The following EPHB1 variants were observed in gnomAD, a reference collection of about 807,000 sequenced individuals.
The protein encoded by EPHB1 is ephrin type-B receptor 1.
A neutral mutation model predicts 94.4 loss-of-function variants in EPHB1; 30 were observed. That is an observed-to-expected ratio of 0.32 (90% CI 0.24 to 0.43). The LOEUF is 0.43. Among genes scored for constraint, EPHB1 ranks in the 20% least tolerant of loss-of-function variants. The pLI, the probability that EPHB1 is intolerant of heterozygous loss-of-function variation, is 1.00. For synonymous variants in EPHB1, 522 were observed against 489.1 expected, an observed-to-expected ratio of 1.07 and a Z score of -0.89; for missense variants, 1,055 against 1,308.3, an observed-to-expected ratio of 0.81 and a Z score of 2.99.
At chr3:135,059,601 T>C (rs1284014017) in intron 3 of EPHB1, among the ~76,000 whole-genome samples, 2 of 152,078 alleles carry the variant, frequency 1.3e-5, no homozygotes, top group Non-Finnish European at 2.9e-5. Flanking sequence ...ACTGTTGGAG[T>C]TCGTTGACTG....
chr3:135,021,663 T>G (rs985803554), intron 3 of EPHB1, among the ~76,000 whole-genome samples: 1 of 152,234 alleles, frequency 6.6e-6, no homozygotes, highest in African/African-American at 2.4e-5. Context: ...TCTGTTTCAT[T>G]TCTTATTGCC....
chr3:135,219,723 A>G (rs913160547), intron 12 of EPHB1, among the ~76,000 whole-genome samples: 4 of 152,250 alleles, frequency 2.6e-5, no homozygotes, highest in African/African-American at 9.6e-5. Flanking sequence ...ATGTTAAATA[A>G]CAGGGACTCC....
At chr3:135,055,676 C>T (rs908788788) in intron 3 of EPHB1, among the ~76,000 whole-genome samples, 8 of 152,176 alleles carry the variant, frequency 5.3e-5, no homozygotes, top group African/African-American at 1.4e-4. Context: ...CTGTCCTGAG[C>T]GAACCTGTCT....
chr3:134,816,899 C>A (rs886999458), intron 1 of EPHB1, among the ~76,000 whole-genome samples: 1 of 152,036 alleles, frequency 6.6e-6, no homozygotes, highest in African/African-American at 2.4e-5. Context: ...CACTCACCCT[C>A]AGTGTGAGCA....
chr3:135,137,594 C>T (rs187312593), intron 5 of EPHB1, among the ~76,000 whole-genome samples: 177 of 152,268 alleles, frequency 1.2e-3, no homozygotes, highest in South Asian at 3.3e-3. Flanking sequence ...TGCTTCCCCT[C>T]TCTGCTCCTC....
At chr3:134,809,370 ATTTT>A (rs11440776) in intron 1 of EPHB1, among the ~76,000 whole-genome samples, 1 of 149,710 alleles carries the variant, frequency 6.7e-6, no homozygotes, top group African/African-American at 2.4e-5. Flanking sequence ...AAAAGAACAG[ATTTT>A]TTTTTTTTAA....
At chr3:135,128,104 C>A (rs940948175) in intron 4 of EPHB1, among the ~76,000 whole-genome samples, 1 of 152,240 alleles carries the variant, frequency 6.6e-6, no homozygotes, top group African/African-American at 2.4e-5. Context: ...TGAGGAAGAG[C>A]ATGGAGCTTA....
chr3:134,973,808 G>A (rs890973326), intron 3 of EPHB1, among the ~76,000 whole-genome samples: 3 of 152,088 alleles, frequency 2.0e-5, no homozygotes, highest in Non-Finnish European at 4.4e-5. Flanking sequence ...GATAGGGTAG[G>A]GCTTGTCAAA....
chr3:135,247,479 TA>T (rs999950870), intron 13 of EPHB1, among the ~76,000 whole-genome samples: 3 of 152,216 alleles, frequency 2.0e-5, no homozygotes, highest in East Asian at 1.9e-4. Context: ...CACTTACAAT[TA>T]TTTTTTTAAT....
At chr3:135,123,369 A>T (rs1344028301) in intron 4 of EPHB1, among the ~76,000 whole-genome samples, 2 of 152,118 alleles carry the variant, frequency 1.3e-5, no homozygotes, top group Non-Finnish European at 2.9e-5. Flanking sequence ...TTCCATGTTG[A>T]CCTCCACTGC....
chr3:135,227,310 A>G (rs892790388), intron 12 of EPHB1, among the ~76,000 whole-genome samples: 1 of 152,238 alleles, frequency 6.6e-6, no homozygotes, highest in Non-Finnish European at 1.5e-5. Flanking sequence ...AAAAATAAAA[A>G]TGTGTTCAAA....
chr3:134,890,697 C>G (rs942997566), intron 1 of EPHB1, among the ~76,000 whole-genome samples: 4 of 152,320 alleles, frequency 2.6e-5, no homozygotes, highest in Non-Finnish European at 4.4e-5. Flanking sequence ...ATAACACTTT[C>G]ATTGGGTTAA....
At chr3:135,137,301 G>A (rs1235162070) in intron 5 of EPHB1, among the ~76,000 whole-genome samples, 1 of 152,190 alleles carries the variant, frequency 6.6e-6, no homozygotes, top group Non-Finnish European at 1.5e-5. Flanking sequence ...GCTCCAGCAA[G>A]AGTTGCATGC....
In EPHB1 at chr3:135,165,961, C is replaced by T. The variant is rs1264058110; in HGVS notation, c.1586-7C>T. On this transcript the variant is annotated splice_polypyrimidine_tract_variant and splice_region_variant and intron_variant, in intron 7 of 15. Coordinates refer to ENST00000398015, the MANE Select transcript of EPHB1 (RefSeq NM_004441.5). Reference sequence around the variant, plus strand: ...GGGGAGGATTCTAATGCCTCTTTCTCACCTAGATGATTACAAGTCAGAGCT... The same window carrying T: ...GGGGAGGATTCTAATGCCTCTTTCTTACCTAGATGATTACAAGTCAGAGCT... 2 of 1,612,166 alleles carry T rather than the reference C, an allele frequency of 1.2e-6. No individual in the cohort carries two copies. Among genetic ancestry groups the T allele is most frequent in the Non-Finnish European group, 1.7e-6 (2 of 1,178,364 alleles).
intron 1 of EPHB1, among the ~76,000 whole-genome samples, chr3:134,913,023 C>G (rs1025818515): frequency 6.6e-6 from 1 of 152,182 alleles, no homozygotes; most frequent in Non-Finnish European, 1.5e-5. Context: ...ACTTTGGTAT[C>G]CCAAATGAAA....
At chr3:135,094,323 C>G (rs917647557) in intron 3 of EPHB1, among the ~76,000 whole-genome samples, 1 of 152,238 alleles carries the variant, frequency 6.6e-6, no homozygotes, top group African/African-American at 2.4e-5. Flanking sequence ...TCTCTGCCCA[C>G]TGGTCCCTTA....
intron 3 of EPHB1, among the ~76,000 whole-genome samples, chr3:135,003,254 T>C (rs1412595575): frequency 6.6e-6 from 1 of 151,868 alleles, no homozygotes; most frequent in South Asian, 2.1e-4. Context: ...TCAGTTTCCA[T>C]GTAGGTGAGC....
chr3:135,160,278 C>T (rs941091688), intron 6 of EPHB1, among the ~76,000 whole-genome samples: 4 of 152,174 alleles, frequency 2.6e-5, no homozygotes, highest in Admixed American at 1.3e-4. Context: ...TCTTTGACTT[C>T]ACAAAGTAGG....
At chr3:135,014,674 G>T (rs40347) in intron 3 of EPHB1, among the ~76,000 whole-genome samples, 141,670 of 152,256 alleles carry the variant, frequency 0.93, 66,008 homozygotes, top group African/African-American at 0.97. Flanking sequence ...CCTGCCCAGC[G>T]TCCAGGTCAC....
Sources: gnomAD v4.1 joint callset for allele counts (sites outside exome capture counted in the v4.1 genomes callset) on GRCh38, gnomAD v4.1.1 for gene constraint, MANE v1.5 for transcripts, NCBI Gene and HGNC (gene_info 2026-07-23, HGNC 2026-07-21) for gene names.